The following CCDC3 variants were observed in gnomAD, a reference collection of about 807,000 sequenced individuals.
The protein encoded by CCDC3 is coiled-coil domain containing 3.
Under a neutral mutation model 21.4 loss-of-function variants are expected in CCDC3, and 24 were observed. The ratio of observed to expected loss-of-function variants is 1.12; its 90% CI spans 0.81 to 1.58. The LOEUF (loss-of-function observed/expected upper bound fraction) is 1.58. Ranked by LOEUF, CCDC3 falls within the 40% of genes most tolerant of loss-of-function variation. CCDC3 has a pLI of 0.00. For synonymous variants in CCDC3, 186 were observed against 166.0 expected (o/e 1.12, Z -0.93); for missense variants, 425 against 360.9 (o/e 1.18, Z -1.44).
chr10:12,942,887 T>C (rs1834855487), intron 2 of CCDC3, among the ~76,000 whole-genome samples: 2 of 152,152 alleles, frequency 1.3e-5, no homozygotes, highest in Admixed American at 1.3e-4. Context: ...TCCTTGTGTG[T>C]CCTCGTCCTT....
chr10:13,033,400 C>T (rs1836331445), intron 5 of CCDC3, among the ~76,000 whole-genome samples: 2 of 152,128 alleles, frequency 1.3e-5, no homozygotes. Context: ...AGAAGAAAAC[C>T]TAGGCAATAC....
chr10:12,965,559 C>T (rs1397415523), intron 2 of CCDC3, among the ~76,000 whole-genome samples: 1 of 152,180 alleles, frequency 6.6e-6, no homozygotes, highest in African/African-American at 2.4e-5. Context: ...AGAGAGATGT[C>T]ACTCACAGTG....
chr10:13,013,010 G>A (rs769458844), intron 5 of CCDC3, among the ~76,000 whole-genome samples: 1 of 152,168 alleles, frequency 6.6e-6, no homozygotes, highest in Admixed American at 6.5e-5. Context: ...ACAAAACTAA[G>A]TGTAAAGGAG....
chr10:13,008,812 G>T (rs956094925), intron 5 of CCDC3, among the ~76,000 whole-genome samples: 6 of 152,156 alleles, frequency 3.9e-5, no homozygotes, highest in African/African-American at 1.4e-4. Flanking sequence ...AAGCATCTAT[G>T]CAGTCTACTG....
chr10:12,947,562 C>T (rs184087530), intron 2 of CCDC3, among the ~76,000 whole-genome samples: 268 of 152,308 alleles, frequency 1.8e-3, no homozygotes, highest in African/African-American at 6.3e-3. Flanking sequence ...ACCTCAGCTA[C>T]AGGCCACCCT....
chr10:12,909,369 C>T (rs1834228963), intron 2 of CCDC3, among the ~76,000 whole-genome samples: 1 of 152,200 alleles, frequency 6.6e-6, no homozygotes, highest in Non-Finnish European at 1.5e-5. Context: ...ATGATGTTAT[C>T]TTCTCCCCAC....
At chr10:13,026,344 C>G (rs967219914) in intron 5 of CCDC3, among the ~76,000 whole-genome samples, 1 of 152,298 alleles carries the variant, frequency 6.6e-6, no homozygotes, top group Middle Eastern at 3.4e-3. Flanking sequence ...TAACCTACAG[C>G]TTTTACAAAC....
chr10:13,058,569 C>A (rs568612898), intron 4 of CCDC3: 11 of 690,984 alleles, frequency 1.6e-5, no homozygotes, highest in Non-Finnish European at 2.7e-5. Flanking sequence ...CCTGCATCAC[C>A]AAGCGTTTCT....
intron 4 of CCDC3, among the ~76,000 whole-genome samples, chr10:13,050,928 AG>A (rs527706936): frequency 9.5e-4 from 144 of 152,170 alleles, no homozygotes; most frequent in South Asian, 4.8e-3. Context: ...CTGAGACTAC[AG>A]GTGCACTCCA....
At chr10:13,096,680 ACAGTCTCT>A (rs1168857491) in intron 3 of CCDC3, among the ~76,000 whole-genome samples, 1 of 152,200 alleles carries the variant, frequency 6.6e-6, no homozygotes, top group Non-Finnish European at 1.5e-5. Flanking sequence ...CTTCTAGGGA[ACAGTCTCT>A]GCTGTTTCCA....
chr10:13,084,819 G>C lies in CCDC3; in HGVS notation c.-502-10719C>G, dbSNP rs866884178. 7.2e-5 allele frequency among the ~76,000 whole-genome samples: 11 copies of C among 152,282 alleles called. 1 individual carries two copies. The South Asian group carries it at 8.3e-4, about 11-fold the overall frequency. ...CAAAGCCATGAGAAGGAGTGAGATT[G>C]TCTAGGGAGAGGAAGGAGAGCACAG... On this transcript the variant is annotated intron_variant, in intron 3 of 6. Transcript: ENST00000378839.
At chr10:12,957,800 AAT>A (rs1835115736) in intron 2 of CCDC3, among the ~76,000 whole-genome samples, 1 of 152,114 alleles carries the variant, frequency 6.6e-6, no homozygotes, top group Non-Finnish European at 1.5e-5. Flanking sequence ...ATACTTCCTC[AAT>A]AGTTTGTTGA....
chr10:12,953,662 G>A (rs948268188), intron 2 of CCDC3, among the ~76,000 whole-genome samples: 1 of 152,210 alleles, frequency 6.6e-6, no homozygotes, highest in Non-Finnish European at 1.5e-5. Flanking sequence ...TGGGAGGACA[G>A]CTTGCTCAGC....
At chr10:13,034,585 G>A (rs988192678) in intron 5 of CCDC3, among the ~76,000 whole-genome samples, 3 of 150,144 alleles carry the variant, frequency 2.0e-5, no homozygotes, top group African/African-American at 7.3e-5. Flanking sequence ...CAAAGTCATA[G>A]CAATAGTTAG....
chr10:12,942,226 C>T (rs902507232), intron 2 of CCDC3, among the ~76,000 whole-genome samples: 1 of 152,124 alleles, frequency 6.6e-6, no homozygotes, highest in African/African-American at 2.4e-5. Flanking sequence ...AGCTTTGCTA[C>T]CAGAGCAAGT....
At chr10:12,987,090 C>T (rs1169569114) in intron 2 of CCDC3, among the ~76,000 whole-genome samples, 2 of 152,158 alleles carry the variant, frequency 1.3e-5, no homozygotes, top group African/African-American at 2.4e-5. Flanking sequence ...CCCTGGTATG[C>T]AGCCCTGTCC....
rs1835853826 is a variant in CCDC3, at chr10:13,001,484, C to T, written c.87G>A (p.Arg29=). ...CGGCGCGGCAGCCCTCGCTCAGGGG[C>T]CTCCACTCGGAGGGCAGCTGGCAGG... ...ARACQLPSEW[R]PLSEGCRAEL... The change falls in exon 1 of 3, where the codon AGG becomes AGA. Residue 29 remains arginine, a synonymous_variant. Transcript: ENST00000378825. 3 of 1,377,728 alleles carry T rather than the reference C, an allele frequency of 2.2e-6. No individual in the cohort carries two copies. The highest frequency in any genetic ancestry group is 1.5e-5 in the African/African-American group (1 of 65,470). 85.3% of individuals were successfully genotyped at this position (1,377,728 alleles called of 1,614,324 possible).
At chr10:12,943,632 T>C (rs966352506) in intron 2 of CCDC3, among the ~76,000 whole-genome samples, 2 of 152,126 alleles carry the variant, frequency 1.3e-5, no homozygotes, top group Non-Finnish European at 2.9e-5. Context: ...CCCATCTGCA[T>C]AACAACAGAT....
chr10:12,906,853 G>C (rs1834181081), intron 2 of CCDC3, among the ~76,000 whole-genome samples: 1 of 152,190 alleles, frequency 6.6e-6, no homozygotes, highest in African/African-American at 2.4e-5. Flanking sequence ...CTTGACCTTT[G>C]CTGCTGGAAC....
Sources: gnomAD v4.1 joint callset for allele counts (sites outside exome capture counted in the v4.1 genomes callset) on GRCh38, gnomAD v4.1.1 for gene constraint, MANE v1.5 for transcripts, NCBI Gene and HGNC (gene_info 2026-07-23, HGNC 2026-07-21) for gene names.